The following EVI5 variants were observed in gnomAD, a reference collection of about 807,000 sequenced individuals.
EVI5 encodes the protein ecotropic viral integration site 5 protein homolog.
In EVI5, 73 loss-of-function variants were observed where a neutral mutation model predicts 112.0. The ratio of observed to expected loss-of-function variants is 0.65; its 90% CI spans 0.54 to 0.79. The LOEUF (loss-of-function observed/expected upper bound fraction) is 0.79, where lower values mean the gene tolerates loss of function less well. Ranked by LOEUF, EVI5 falls within the 30% of genes least tolerant of loss-of-function variation. The probability of loss-of-function intolerance (pLI) is 0.00; values close to 1 mark genes in which losing one functional copy is unlikely to be tolerated. For missense variants in EVI5, 900 were observed against 968.8 expected (o/e 0.93, Z 0.94); for synonymous variants, 305 against 319.9 (o/e 0.95, Z 0.50).
intron 2 of EVI5, among the ~76,000 whole-genome samples, chr1:92,706,090 T>C (rs528786823): frequency 1.3e-5 from 2 of 152,160 alleles, no homozygotes; most frequent in African/African-American, 4.8e-5. Flanking sequence ...AAATTTAATA[T>C]ATTTTCATGG....
chr1:92,792,271 A>G (rs1686154628), intron 1 of EVI5: 10 of 973,870 alleles, frequency 1.0e-5, no homozygotes, highest in African/African-American at 1.6e-5. Flanking sequence ...CTCAATAACA[A>G]ATTACTTTCT....
chr1:92,702,145 A>G lies in EVI5; in HGVS notation c.635T>C (p.Met212Thr). 3 of 1,467,734 alleles carry G rather than the reference A, an allele frequency of 2.0e-6. No individual in the cohort carries two copies. Among genetic ancestry groups the G allele is most frequent in the Middle Eastern group, 1.7e-4 (1 of 5,726 alleles). 90.9% of individuals were successfully genotyped at this position (1,467,734 alleles called of 1,614,324 possible). A position where few individuals can be genotyped will look rare whatever the true frequency, so the allele number is the denominator to read the frequency against. The change falls in exon 5 of 20, where the codon ATG (methionine) becomes ACG (threonine). Residue 212 changes from methionine (M) to threonine (T), a missense_variant. Physicochemically the swap from Met to Thr is moderately conservative, Grantham distance 81. Transcript: ENST00000684568. ...GSAFIVGLLL[M>T]QMPEEEAFCV... ...TTAATACTTATATTAACTTACCTGCATAAGCAACAATCCAACTATAAAAGC... is the reference window on the plus strand; with the variant it reads ...TTAATACTTATATTAACTTACCTGCGTAAGCAACAATCCAACTATAAAAGC...
chr1:92,509,019 A>G lies in EVI5; in HGVS notation c.*4637T>C, dbSNP rs200794701. 2.9e-4 allele frequency: 44 copies of G among 152,328 alleles called. No individual in the cohort carries two copies. The highest frequency in any genetic ancestry group is 9.6e-4 in the African/African-American group (40 of 41,578). 9.4% of individuals were successfully genotyped at this position (152,328 alleles called of 1,614,324 possible). On this transcript the variant is annotated 3_prime_UTR_variant, in exon 20 of 20. Transcript: ENST00000684568. ...AATAATAGAGCAGCAGTAACTTTCA[A>G]GCTAAAACTCATTGTTTTGGTAAGT...
At chr1:92,719,678 T>G (rs1343967661) in intron 2 of EVI5, among the ~76,000 whole-genome samples, 1 of 151,940 alleles carries the variant, frequency 6.6e-6, no homozygotes, top group African/African-American at 2.4e-5. Context: ...TTCAACATAC[T>G]GTTGGAAGTT....
chr1:92,557,129 C>G (rs937462461), intron 19 of EVI5, among the ~76,000 whole-genome samples: 1 of 152,258 alleles, frequency 6.6e-6, no homozygotes, highest in African/African-American at 2.4e-5. Flanking sequence ...GACAGGATGA[C>G]AGAAGACCTT....
intron 13 of EVI5, among the ~76,000 whole-genome samples, chr1:92,650,924 A>T (rs186019588): frequency 2.0e-5 from 3 of 152,058 alleles, no homozygotes; most frequent in Non-Finnish European, 4.4e-5. Flanking sequence ...AATAGTTTCC[A>T]TCTTCATATC....
intron 2 of EVI5, among the ~76,000 whole-genome samples, chr1:92,720,064 T>C (rs1370220195): frequency 2.0e-5 from 3 of 151,990 alleles, no homozygotes; most frequent in Admixed American, 6.5e-5. Context: ...TGCTCATGAA[T>C]AGGAAGAATC....
chr1:92,769,726 AT>A (rs1255353510), intron 1 of EVI5, among the ~76,000 whole-genome samples: 2 of 152,056 alleles, frequency 1.3e-5, no homozygotes, highest in African/African-American at 4.8e-5. Context: ...ACTAAAAAAA[AT>A]ATATAAAAAA....
At chr1:92,658,667 T>C (rs531506521) in intron 13 of EVI5, among the ~76,000 whole-genome samples, 1 of 152,262 alleles carries the variant, frequency 6.6e-6, no homozygotes, top group Non-Finnish European at 1.5e-5. Context: ...CAAAGCAGTC[T>C]ACAGAGTCAA....
intron 13 of EVI5, among the ~76,000 whole-genome samples, chr1:92,638,651 A>G (rs1019324658): frequency 2.0e-5 from 3 of 152,170 alleles, no homozygotes; most frequent in African/African-American, 7.2e-5. Flanking sequence ...ACCACTTACT[A>G]TGTGCCAGAC....
chr1:92,700,613 CTG>C (rs1671001414), intron 5 of EVI5, among the ~76,000 whole-genome samples: 1 of 152,126 alleles, frequency 6.6e-6, no homozygotes, highest in Admixed American at 6.5e-5. Flanking sequence ...TTGAAGGAAA[CTG>C]TGATTCCTAG....
rs749146127 is a variant in EVI5, at chr1:92,662,248, T to C, written c.1392+471A>G. 3.9e-5 allele frequency among the ~76,000 whole-genome samples: 6 copies of C among 152,226 alleles called. 1 individual carries two copies. The highest frequency in any genetic ancestry group is 8.8e-5 in the Non-Finnish European group (6 of 68,030). ...TTGATGTAGGAAGTCTAAGCAATAG[T>C]ATTTCGTAAGACACAAATTGCCACA... On this transcript the variant is annotated intron_variant, in intron 13 of 19. Coordinates refer to ENST00000684568, the MANE Select transcript of EVI5 (RefSeq NM_001350197.2).
intron 1 of EVI5, among the ~76,000 whole-genome samples, chr1:92,757,797 C>T (rs770517743): frequency 6.7e-6 from 1 of 149,840 alleles, no homozygotes; most frequent in African/African-American, 2.5e-5. Flanking sequence ...AGCTACTCAG[C>T]AGGCTGAGGC....
At chr1:92,629,326 C>T (rs1464188985) in intron 14 of EVI5, among the ~76,000 whole-genome samples, 34 of 152,294 alleles carry the variant, frequency 2.2e-4, no homozygotes, top group Non-Finnish European at 5.9e-5. Context: ...ACTGTTATGT[C>T]CATTATCTAT....
intron 2 of EVI5, among the ~76,000 whole-genome samples, chr1:92,707,023 T>G (rs1285245920): frequency 6.7e-6 from 1 of 149,582 alleles, no homozygotes; most frequent in African/African-American, 2.5e-5. Flanking sequence ...CTACTAAAAA[T>G]ATAAAATTAG....
chr1:92,754,602 C>T (rs1291100867), intron 1 of EVI5, among the ~76,000 whole-genome samples: 2 of 152,164 alleles, frequency 1.3e-5, no homozygotes, highest in Non-Finnish European at 2.9e-5. Context: ...TCAAAGATGG[C>T]TCCCTCATAT....
intron 13 of EVI5, among the ~76,000 whole-genome samples, chr1:92,646,839 G>C (rs949893895): frequency 2.6e-5 from 4 of 152,146 alleles, no homozygotes; most frequent in Non-Finnish European, 5.9e-5. Flanking sequence ...TACAATTTCA[G>C]AGTGTTCCAG....
rs1320842448 is a variant in EVI5, at chr1:92,628,187, G to A, written c.1528-2253C>T. On this transcript the variant is annotated intron_variant, in intron 14 of 19. Transcript: ENST00000684568. ...CCCACTTTTTGATGAGATTGTTTTC[G>A]TCTTACTGATTTGAGTTCGTTGTAG... is the stretch of plus-strand genomic sequence containing the variant. Among the ~76,000 whole-genome samples the A allele has an allele frequency of 3.9e-5, 6 of 152,192 alleles. No homozygotes were observed. The East Asian group carries it at 5.8e-4, about 15-fold the overall frequency.
At chr1:92,591,461 C>T (rs530059064) in intron 18 of EVI5, among the ~76,000 whole-genome samples, 41 of 152,212 alleles carry the variant, frequency 2.7e-4, no homozygotes, top group African/African-American at 9.6e-4. Context: ...GGGTTGCAAT[C>T]CTAGTTTCCA....
Sources: gnomAD v4.1 joint callset for allele counts (sites outside exome capture counted in the v4.1 genomes callset) on GRCh38, gnomAD v4.1.1 for gene constraint, MANE v1.5 for transcripts, NCBI Gene and HGNC (gene_info 2026-07-23, HGNC 2026-07-21) for gene names.